The following GUCY1A2 variants were observed in gnomAD, a reference collection of about 807,000 sequenced individuals.
The protein encoded by GUCY1A2 is guanylate cyclase 1 soluble subunit alpha 2.
A neutral mutation model predicts 63.5 loss-of-function variants in GUCY1A2; 27 were observed. That is an observed-to-expected ratio of 0.43 (90% CI 0.31 to 0.59). The LOEUF is 0.59. GUCY1A2 is among the 20% of genes least tolerant of loss of function. The pLI is 0.11. For missense variants in GUCY1A2, 768 were observed against 913.3 expected, an observed-to-expected ratio of 0.84 and a Z score of 2.05; for synonymous variants, 364 against 343.5, an observed-to-expected ratio of 1.06 and a Z score of -0.66.
chr11:106,956,195 G>C (rs1393668782), intron 3 of GUCY1A2, among the ~76,000 whole-genome samples: 1 of 151,786 alleles, frequency 6.6e-6, no homozygotes, highest in Non-Finnish European at 1.5e-5. Context: ...CTTTTATCAA[G>C]TTTCTTAGCT....
chr11:107,013,237 A>T (rs1279907701), intron 1 of GUCY1A2, among the ~76,000 whole-genome samples: 2 of 151,984 alleles, frequency 1.3e-5, no homozygotes, highest in Non-Finnish European at 2.9e-5. Context: ...AAAGCTTCTG[A>T]GGTCTTCAAA....
intron 7 of GUCY1A2, among the ~76,000 whole-genome samples, chr11:106,695,003 G>A (rs1862692247): frequency 6.6e-6 from 1 of 152,234 alleles, no homozygotes; most frequent in South Asian, 2.1e-4. Context: ...TTGGGTGTGT[G>A]TGCATGCATG....
At position 106,869,259 on chromosome 11, in the gene GUCY1A2, GGAT is replaced by G. The variant is rs1859639490; in HGVS notation, c.1207-58784_1207-58782del. ...CAACAAATGCCAAAATTGACAAATG[GGAT>G]CTAATTAAACTAAAGAGCTTCTGCA... On this transcript the variant is annotated intron_variant, in intron 4 of 7. Coordinates refer to ENST00000526355, the MANE Select transcript of GUCY1A2 (RefSeq NM_000855.3). 3.3e-5 allele frequency among the ~76,000 whole-genome samples: 5 copies of G among 152,220 alleles called. No individual in the cohort carries two copies. The South Asian group carries it at 1.0e-3, about 32-fold the overall frequency.
intron 6 of GUCY1A2, among the ~76,000 whole-genome samples, chr11:106,722,721 C>A (rs1272161544): frequency 6.6e-6 from 1 of 151,820 alleles, no homozygotes; most frequent in Non-Finnish European, 1.5e-5. Flanking sequence ...AGGAAATTTT[C>A]TTTTTCAGAA....
intron 3 of GUCY1A2, among the ~76,000 whole-genome samples, chr11:106,957,110 G>A (rs1260778312): frequency 2.0e-5 from 3 of 152,194 alleles, no homozygotes; most frequent in African/African-American, 7.2e-5. Flanking sequence ...AGTCTTGGGA[G>A]CAAGTCGTCC....
At chr11:106,758,759 G>T (rs761897314) in intron 6 of GUCY1A2, among the ~76,000 whole-genome samples, 15 of 152,192 alleles carry the variant, frequency 9.9e-5, no homozygotes, top group East Asian at 5.8e-4. Context: ...ATTATTTTTT[G>T]ATCATAAACA....
At chr11:106,704,676 A>T (rs534753047) in intron 7 of GUCY1A2, among the ~76,000 whole-genome samples, 32 of 152,324 alleles carry the variant, frequency 2.1e-4, no homozygotes, top group African/African-American at 7.5e-4. Flanking sequence ...AAAGTAATTC[A>T]AGTCTTTCTA....
chr11:106,812,759 T>C (rs928768148), intron 4 of GUCY1A2, among the ~76,000 whole-genome samples: 1 of 151,994 alleles, frequency 6.6e-6, no homozygotes, highest in Non-Finnish European at 1.5e-5. Flanking sequence ...TGGCCATTAG[T>C]TTGTTTTCTG....
intron 4 of GUCY1A2, among the ~76,000 whole-genome samples, chr11:106,877,004 C>T (rs1859758825): frequency 6.6e-6 from 1 of 151,944 alleles, no homozygotes; most frequent in Non-Finnish European, 1.5e-5. Flanking sequence ...ATCACAGGGT[C>T]CTTATAAGAA....
chr11:106,840,602 T>C (rs1421037537), intron 4 of GUCY1A2, among the ~76,000 whole-genome samples: 1 of 151,980 alleles, frequency 6.6e-6, no homozygotes, highest in East Asian at 1.9e-4. Context: ...GCAGTAAGAA[T>C]ACACACATAC....
chr11:106,977,371 C>T (rs752014276), intron 3 of GUCY1A2, among the ~76,000 whole-genome samples: 2 of 152,086 alleles, frequency 1.3e-5, no homozygotes, highest in Non-Finnish European at 2.9e-5. Context: ...TTGTGACATC[C>T]CTGCAGTTGT....
chr11:106,848,283 A>G (rs1054215535), intron 4 of GUCY1A2, among the ~76,000 whole-genome samples: 3 of 151,730 alleles, frequency 2.0e-5, no homozygotes, highest in Non-Finnish European at 4.4e-5. Context: ...TCAAACAGCA[A>G]GCATAAGCAC....
chr11:106,900,280 C>T (rs755782493), intron 4 of GUCY1A2, among the ~76,000 whole-genome samples: 2 of 152,118 alleles, frequency 1.3e-5, no homozygotes, highest in Non-Finnish European at 2.9e-5. Context: ...ACCTCCTGGG[C>T]TCCAGAGAGC....
chr11:106,747,874 G>T (rs1396322649), intron 6 of GUCY1A2, among the ~76,000 whole-genome samples: 1 of 152,104 alleles, frequency 6.6e-6, no homozygotes, highest in African/African-American at 2.4e-5. Flanking sequence ...TTGTGTGAGG[G>T]TTACTATTCC....
intron 4 of GUCY1A2, among the ~76,000 whole-genome samples, chr11:106,856,224 A>C (rs1297723766): frequency 6.6e-6 from 1 of 151,702 alleles, no homozygotes; most frequent in Non-Finnish European, 1.5e-5. Context: ...CGGAAAGCAG[A>C]GGTTGCAGTG....
rs967877844 is a variant in GUCY1A2 at position 106,851,825 on chromosome 11, G to A, written c.1207-41347C>T. Among the ~76,000 whole-genome samples, 12 of 151,816 alleles carry A rather than the reference G, an allele frequency of 7.9e-5. No individual in the cohort carries two copies. In the South Asian group the frequency reaches 1.0e-3, roughly 13 times the overall value. ...TGATCTTTTACTCAGTATTTCTTTC[G>A]CAATTAGGGTCTTTGTGGATCTCAT... On this transcript the variant is annotated intron_variant, in intron 4 of 7. Transcript: ENST00000526355.
intron 4 of GUCY1A2, among the ~76,000 whole-genome samples, chr11:106,846,561 T>C (rs1012690026): frequency 2.6e-5 from 4 of 151,638 alleles, no homozygotes; most frequent in Non-Finnish European, 5.9e-5. Flanking sequence ...ATTTGTACTA[T>C]TGTAGGGAGT....
At chr11:106,774,210 G>GCAACCTCTGCCTCCCGGGTTCACGC (rs1864313000) in intron 6 of GUCY1A2, among the ~76,000 whole-genome samples, 2 of 151,858 alleles carry the variant, frequency 1.3e-5, no homozygotes, top group Non-Finnish European at 2.9e-5. Flanking sequence ...TCGGTTCACG[G>GCAACCTCTGCCTCCCGGGTTCACGC]CAACCTCTGC....
At chr11:106,804,742 G>T (rs1858657248) in intron 5 of GUCY1A2, among the ~76,000 whole-genome samples, 2 of 152,338 alleles carry the variant, frequency 1.3e-5, no homozygotes, top group East Asian at 1.9e-4. Flanking sequence ...GCCATATTCA[G>T]TTCCCCTTTG....
Sources: gnomAD v4.1 joint callset for allele counts (sites outside exome capture counted in the v4.1 genomes callset) on GRCh38, gnomAD v4.1.1 for gene constraint, MANE v1.5 for transcripts, NCBI Gene and HGNC (gene_info 2026-07-23, HGNC 2026-07-21) for gene names.